SLIT3: variants seen among roughly 807,000 people sequenced by gnomAD.
SLIT3 encodes the protein slit homolog 3 protein.
In SLIT3, 68 loss-of-function variants were observed where a neutral mutation model predicts 184.0. The ratio of observed to expected loss-of-function variants is 0.37; its 90% CI spans 0.30 to 0.45. SLIT3 has a LOEUF of 0.45. Ranked by LOEUF, SLIT3 falls within the 20% of genes least tolerant of loss-of-function variation. SLIT3 has a pLI of 1.00. For missense variants in SLIT3, 1,707 were observed against 2,026.0 expected (o/e 0.84, Z 3.02); for synonymous variants, 831 against 828.6 (o/e 1.00, Z -0.05).
At position 168,746,868 on chromosome 5, in the gene SLIT3, T is replaced by C. The variant is rs868029137; in HGVS notation, c.2270+1434A>G. On this transcript the variant is annotated intron_variant, in intron 20 of 35. Transcript: ENST00000519560. ...GGTGTGTGGTGTGTGAGTGTGGTGG[T>C]GTGGGTGTGGCGGTGTGTGGTGGTG... Among the ~76,000 whole-genome samples, 559 of 82,670 alleles carry C rather than the reference T, an allele frequency of 6.8e-3. 3 individuals carry two copies. The highest frequency in any genetic ancestry group is 9.7e-3 in the Non-Finnish European group (389 of 40,062). The allele number at this position is 82,670 out of a possible 152,430, so 54.2% of individuals were successfully genotyped here. A position where few individuals can be genotyped will look rare whatever the true frequency, so the allele number is the denominator to read the frequency against.
At chr5:168,923,097 C>T (rs1761696153) in intron 4 of SLIT3, among the ~76,000 whole-genome samples, 1 of 152,180 alleles carries the variant, frequency 6.6e-6, no homozygotes, top group Non-Finnish European at 1.5e-5. Flanking sequence ...AGTCAAGAAT[C>T]ATTCCAGCTC....
At chr5:169,228,652 G>C (rs1457127376) in intron 3 of SLIT3, among the ~76,000 whole-genome samples, 8 of 152,136 alleles carry the variant, frequency 5.3e-5, no homozygotes, top group East Asian at 1.9e-4. Context: ...AAACGAAATA[G>C]AACATTCAGA....
chr5:169,112,442 C>A (rs1245313448), intron 4 of SLIT3, among the ~76,000 whole-genome samples: 1 of 152,268 alleles, frequency 6.6e-6, no homozygotes, highest in Non-Finnish European at 1.5e-5. Context: ...AAGCACAGTG[C>A]CAGGCACAAG....
chr5:169,224,750 G>A (rs1359189637), intron 3 of SLIT3, among the ~76,000 whole-genome samples: 5 of 151,880 alleles, frequency 3.3e-5, no homozygotes, highest in Admixed American at 6.6e-5. Context: ...GCAGTGGTGC[G>A]ATCTTGGCTC....
intron 4 of SLIT3, among the ~76,000 whole-genome samples, chr5:169,033,446 G>A (rs2113530294): frequency 6.6e-6 from 1 of 152,154 alleles, no homozygotes; most frequent in African/African-American, 2.4e-5. Flanking sequence ...CATTTCCTTT[G>A]GGTATGTGCC....
chr5:169,300,850 G>A lies in SLIT3; in HGVS notation c.-141C>T, dbSNP rs966837828. ...GGAGGAGGGGCGAGCTCGGTGCTCA[G>A]GCGCACGGGGCGCGGGCGGAGCGGG... is the stretch of plus-strand genomic sequence containing the variant. On this transcript the variant is annotated 5_prime_UTR_variant, in exon 1 of 36. Transcript: ENST00000519560. The surrounding 1 kb of genome is among the most constrained non-coding windows in gnomAD (Gnocchi z 4.1). The A allele has an allele frequency of 3.8e-5, 30 of 798,900 alleles. No homozygotes were observed. The highest frequency in any genetic ancestry group is 2.4e-4 in the South Asian group (4 of 16,402). The allele number at this position is 798,900 out of a possible 1,614,324, so 49.5% of individuals were successfully genotyped here.
intron 5 of SLIT3, among the ~76,000 whole-genome samples, chr5:168,862,669 T>C (rs1759153399): frequency 7.1e-6 from 1 of 141,830 alleles, no homozygotes; most frequent in Non-Finnish European, 1.5e-5. Context: ...TTTTGTTTGT[T>C]TGTTTGTTGT....
chr5:169,000,148 C>T (rs1755653689), intron 4 of SLIT3, among the ~76,000 whole-genome samples: 1 of 152,084 alleles, frequency 6.6e-6, no homozygotes, highest in South Asian at 2.1e-4. Context: ...AATCCCAGCA[C>T]TTTGGGAGGC....
intron 4 of SLIT3, among the ~76,000 whole-genome samples, chr5:168,918,596 A>G (rs1761525490): frequency 6.6e-6 from 1 of 152,164 alleles, no homozygotes; most frequent in Admixed American, 6.5e-5. Flanking sequence ...CAGGTGGAAG[A>G]ATTCAGCTCT....
Position 169,140,513 on chromosome 5 carries a change from G to A in SLIT3, c.413+52966C>T, listed in dbSNP as rs572141979. Reference sequence around the variant, plus strand: ...AAAAAAAAAAAAAAAAAAAAAAGACGCAGGCGGTCAGGCACGGTGGCTCAC... The same window carrying A: ...AAAAAAAAAAAAAAAAAAAAAAGACACAGGCGGTCAGGCACGGTGGCTCAC... On this transcript the variant is annotated intron_variant, in intron 4 of 35. Coordinates refer to ENST00000519560, the MANE Select transcript of SLIT3 (RefSeq NM_003062.4). Among the ~76,000 whole-genome samples the A allele has an allele frequency of 8.0e-5, 11 of 137,826 alleles. No homozygotes were observed. In the East Asian group the frequency reaches 1.3e-3, roughly 16 times the overall value. The allele number at this position is 137,826 out of a possible 152,430, so 90.4% of individuals were successfully genotyped here. A position where few individuals can be genotyped will look rare whatever the true frequency, so the allele number is the denominator to read the frequency against.
intron 4 of SLIT3, among the ~76,000 whole-genome samples, chr5:169,082,641 C>A (rs1026519384): frequency 1.4e-4 from 21 of 152,222 alleles, no homozygotes; most frequent in African/African-American, 4.3e-4. Flanking sequence ...TAGGAATGAC[C>A]GCATCAGAAC....
At chr5:168,924,513 T>C (rs996542978) in intron 4 of SLIT3, among the ~76,000 whole-genome samples, 1 of 151,458 alleles carries the variant, frequency 6.6e-6, no homozygotes, top group Non-Finnish European at 1.5e-5. Flanking sequence ...TGTGTATGTG[T>C]GTGTGTGTGT....
intron 6 of SLIT3, among the ~76,000 whole-genome samples, chr5:168,837,916 A>G (rs1428714057): frequency 6.6e-6 from 1 of 152,180 alleles, no homozygotes; most frequent in Non-Finnish European, 1.5e-5. Context: ...AGCTGGTTCT[A>G]TGAGAGGACT....
At chr5:168,922,114 A>C (rs1761654662) in intron 4 of SLIT3, among the ~76,000 whole-genome samples, 1 of 152,158 alleles carries the variant, frequency 6.6e-6, no homozygotes, top group Non-Finnish European at 1.5e-5. Flanking sequence ...TTAGTAAGTC[A>C]AGGAGCAAGG....
intron 32 of SLIT3, among the ~76,000 whole-genome samples, chr5:168,683,463 C>G (rs1200286747): frequency 6.6e-6 from 1 of 151,954 alleles, no homozygotes; most frequent in African/African-American, 2.4e-5. Context: ...CCATCACACA[C>G]AAGCCAGGGT....
intron 9 of SLIT3, among the ~76,000 whole-genome samples, chr5:168,803,715 G>C (rs552564724): frequency 6.6e-6 from 1 of 152,208 alleles, no homozygotes; most frequent in South Asian, 2.1e-4. Flanking sequence ...GCCGAGGGAC[G>C]GTCTATGGCT....
At chr5:169,178,990 A>C (rs1763065757) in intron 4 of SLIT3, among the ~76,000 whole-genome samples, 1 of 152,198 alleles carries the variant, frequency 6.6e-6, no homozygotes, top group South Asian at 2.1e-4. Context: ...AGTGACAGGT[A>C]GGGGTGCGGG....
intron 3 of SLIT3, among the ~76,000 whole-genome samples, chr5:169,210,427 GTCAAA>G (rs1764224227): frequency 6.6e-6 from 1 of 152,180 alleles, no homozygotes; most frequent in Admixed American, 6.5e-5. Context: ...TTGACTTAAA[GTCAAA>G]TTAAAGAAAA....
chr5:168,928,535 T>C (rs897277088), intron 4 of SLIT3, among the ~76,000 whole-genome samples: 1 of 152,204 alleles, frequency 6.6e-6, no homozygotes, highest in Non-Finnish European at 1.5e-5. Flanking sequence ...CGTCTCTGCC[T>C]ACCTTCCCTC....
Sources: gnomAD v4.1 joint callset for allele counts (sites outside exome capture counted in the v4.1 genomes callset) on GRCh38, gnomAD v4.1.1 for gene constraint, Gnocchi (gnomAD v3.1) non-coding constraint, MANE v1.5 for transcripts, NCBI Gene and HGNC (gene_info 2026-07-23, HGNC 2026-07-21) for gene names.